EYS: variants seen among roughly 807,000 people sequenced by gnomAD.
EYS encodes the protein EGF-like photoreceptor maintenance factor.
In EYS, 250 loss-of-function variants were observed where a neutral mutation model predicts 282.1. The ratio of observed to expected loss-of-function variants is 0.89; its 90% CI spans 0.80 to 0.98. The LOEUF (loss-of-function observed/expected upper bound fraction) is 0.98. Among genes scored for constraint, EYS ranks in the 50% least tolerant of loss-of-function variants. EYS has a pLI of 0.00. For synonymous variants in EYS, 1,355 were observed against 1,282.9 expected (o/e 1.06, Z -1.20); for missense variants, 4,016 against 3,709.0 (o/e 1.08, Z -2.15).
rs985812693 is a variant in EYS, at chr6:65,140,611, C to G, written c.2024-82884G>C. Among the ~76,000 whole-genome samples, 4 of 150,884 alleles carry G rather than the reference C, an allele frequency of 2.7e-5. No homozygotes were observed. The South Asian group carries it at 6.3e-4, about 24-fold the overall frequency. ...TACTCATCTGACAAAGGGCTAATAT[C>G]CAGAATCTACAATGAACTCAAACAA... On this transcript the variant is annotated intron_variant, in intron 12 of 42. Coordinates refer to ENST00000503581, the MANE Select transcript of EYS (RefSeq NM_001142800.2).
At chr6:64,780,028 C>T (rs1034005947) in intron 22 of EYS, among the ~76,000 whole-genome samples, 32 of 152,252 alleles carry the variant, frequency 2.1e-4, no homozygotes, top group African/African-American at 7.7e-4. Context: ...TCTTCTTAAA[C>T]TCAAGAATGA....
intron 26 of EYS, among the ~76,000 whole-genome samples, chr6:64,512,319 A>C (rs2150520069): frequency 6.6e-6 from 1 of 152,164 alleles, no homozygotes; most frequent in Middle Eastern, 3.4e-3. Context: ...TGAAAGAGAC[A>C]GGAGGAGATG....
rs1224745720 is a variant in EYS at position 65,344,152 on chromosome 6, C to T, written c.1485G>A (p.Gly495=). 9 of 1,609,948 alleles carry T rather than the reference C, an allele frequency of 5.6e-6. No homozygotes were observed. Among genetic ancestry groups the T allele is most frequent in the Non-Finnish European group, 6.8e-6 (8 of 1,177,610 alleles). Residue 495 remains glycine (G), a synonymous_variant, in exon 10 of 43, where the codon GGG becomes GGA. Coordinates refer to ENST00000503581, the MANE Select transcript of EYS (RefSeq NM_001142800.2). ...FAGSEGEKCQ[G]VIDAYFFLAA... is the part of the protein sequence containing the mutation. Reference sequence around the variant, plus strand: ...CCAGAAAGAAATAGGCATCAATAACCCCTTGGCACTTTTCGCCTTCAGATC... The same window carrying T: ...CCAGAAAGAAATAGGCATCAATAACTCCTTGGCACTTTTCGCCTTCAGATC...
At chr6:64,502,473 G>A (rs1479344859) in intron 26 of EYS, among the ~76,000 whole-genome samples, 6 of 152,036 alleles carry the variant, frequency 3.9e-5, no homozygotes, top group Admixed American at 3.3e-4. Context: ...CGCCCGCCTC[G>A]GCCTCCCAAA....
At chr6:64,199,233 G>T (rs1054223035) in intron 31 of EYS, among the ~76,000 whole-genome samples, 1 of 152,132 alleles carries the variant, frequency 6.6e-6, no homozygotes, top group Non-Finnish European at 1.5e-5. Flanking sequence ...TACCAAAACA[G>T]ATATATAGAC....
At chr6:65,674,954 A>ATAT (rs1554222576) in intron 1 of EYS, among the ~76,000 whole-genome samples, 2 of 151,520 alleles carry the variant, frequency 1.3e-5, no homozygotes, top group African/African-American at 4.8e-5. Context: ...TATAATTGTG[A>ATAT]CAGTAACAGA....
chr6:64,991,013 T>A (rs1771043754), intron 14 of EYS, among the ~76,000 whole-genome samples: 1 of 151,512 alleles, frequency 6.6e-6, no homozygotes, highest in Non-Finnish European at 1.5e-5. Context: ...TGATTAAAAC[T>A]GACAATTGAG....
At chr6:64,253,274 T>G (rs1016305510) in intron 30 of EYS, among the ~76,000 whole-genome samples, 2 of 152,156 alleles carry the variant, frequency 1.3e-5, no homozygotes, top group African/African-American at 4.8e-5. Context: ...ACTGTATTTC[T>G]TTACTCTTCT....
chr6:63,940,323 A>AAAAAAG (rs943706274), intron 35 of EYS, among the ~76,000 whole-genome samples: 7 of 152,202 alleles, frequency 4.6e-5, no homozygotes, highest in African/African-American at 1.7e-4. Context: ...TGTTAAAAAA[A>AAAAAAG]AAAAGAAAAG....
At chr6:64,504,030 T>C (rs1444915947) in intron 26 of EYS, among the ~76,000 whole-genome samples, 1 of 152,196 alleles carries the variant, frequency 6.6e-6, no homozygotes, top group African/African-American at 2.4e-5. Context: ...CCAGTGATGC[T>C]TCTGTACAGC....
intron 2 of EYS, among the ~76,000 whole-genome samples, chr6:65,529,139 T>A (rs1422879780): frequency 1.8e-4 from 26 of 147,182 alleles, no homozygotes; most frequent in Non-Finnish European, 3.6e-4. Flanking sequence ...TTGCTATTCT[T>A]AAAAAAAAAA....
At chr6:65,643,000 C>A (rs1208388005) in intron 1 of EYS, among the ~76,000 whole-genome samples, 1 of 152,230 alleles carries the variant, frequency 6.6e-6, no homozygotes, top group Non-Finnish European at 1.5e-5. Flanking sequence ...AGAACTACCA[C>A]AGGAAAATAC....
intron 22 of EYS, among the ~76,000 whole-genome samples, chr6:64,783,971 T>G (rs540299288): frequency 7.2e-4 from 109 of 152,268 alleles, no homozygotes; most frequent in Non-Finnish European, 1.3e-3. Context: ...ATATTACTTT[T>G]AAATGTTATC....
intron 2 of EYS, among the ~76,000 whole-genome samples, chr6:65,533,188 G>A (rs1050819402): frequency 7.9e-5 from 12 of 152,028 alleles, no homozygotes; most frequent in Admixed American, 3.9e-4. Context: ...ATTACCCTCA[G>A]AGAATACTAT....
intron 36 of EYS, among the ~76,000 whole-genome samples, chr6:63,861,397 A>G (rs1772527759): frequency 6.6e-6 from 1 of 152,192 alleles, no homozygotes; most frequent in African/African-American, 2.4e-5. Context: ...TTTTGTCAGG[A>G]CCACTCCAAT....
Position 64,934,268 on chromosome 6 carries a change from AAAAAAAAT to A in EYS, c.2381+11517_2381+11524del, listed in dbSNP as rs1768828599. Among the ~76,000 whole-genome samples the A allele has an allele frequency of 2.0e-5, 3 of 151,798 alleles. No individual in the cohort carries two copies. The South Asian group carries it at 6.2e-4, about 32-fold the overall frequency. ...GATAATTGTGTCTGAGGATCATCAG[AAAAAAAAT>A]AAATAAATGAGTAGATCCTCAGAGA... On this transcript the variant is annotated intron_variant, in intron 15 of 42. Coordinates refer to ENST00000503581, the MANE Select transcript of EYS (RefSeq NM_001142800.2).
intron 35 of EYS, among the ~76,000 whole-genome samples, chr6:63,932,833 A>G (rs766501927): frequency 1.3e-5 from 2 of 152,222 alleles, no homozygotes; most frequent in Non-Finnish European, 2.9e-5. Context: ...TGGAGATAGT[A>G]TCAGATCCCA....
chr6:65,675,510 T>C (rs1011548332), intron 1 of EYS, among the ~76,000 whole-genome samples: 10 of 151,790 alleles, frequency 6.6e-5, no homozygotes, highest in Non-Finnish European at 1.0e-4. Context: ...TCAAAATCTG[T>C]CATAAAACAA....
chr6:64,463,174 A>G (rs1483243118), intron 26 of EYS, among the ~76,000 whole-genome samples: 2 of 151,928 alleles, frequency 1.3e-5, no homozygotes, highest in African/African-American at 4.8e-5. Context: ...GATGGTCTCG[A>G]TCTCCTGACC....
Sources: allele counts gnomAD v4.1 joint callset (sites outside exome capture counted in the v4.1 genomes callset), GRCh38; gene constraint gnomAD v4.1.1; transcripts MANE v1.5; gene names NCBI Gene and HGNC (gene_info 2026-07-23, HGNC 2026-07-21).